XPNPEP1: variants seen among roughly 807,000 people sequenced by gnomAD.
XPNPEP1 encodes the protein X-prolyl aminopeptidase 1.
In XPNPEP1, 39 loss-of-function variants were observed where a neutral mutation model predicts 92.4. The ratio of observed to expected loss-of-function variants is 0.42; its 90% CI spans 0.33 to 0.55. The LOEUF is 0.55. XPNPEP1 is among the 20% of genes least tolerant of loss of function. XPNPEP1 has a pLI of 0.08. For synonymous variants in XPNPEP1, 307 were observed against 299.4 expected, an observed-to-expected ratio of 1.03 and a Z score of -0.26; for missense variants, 654 against 856.1, an observed-to-expected ratio of 0.76 and a Z score of 2.95.
At chr10:109,896,193 C>A (rs187063775) in intron 3 of XPNPEP1, among the ~76,000 whole-genome samples, 1 of 152,124 alleles carries the variant, frequency 6.6e-6, no homozygotes, top group African/African-American at 2.4e-5. Context: ...ACAGAGAGGC[C>A]TACCTGTACT....
chr10:109,877,920 G>C, intron 13 of XPNPEP1, 53 bp from the exon 14 acceptor site: 1 of 1,614,086 alleles, frequency 6.2e-7, no homozygotes, highest in Non-Finnish European at 8.5e-7. Context: ...ACTGTGCTAA[G>C]ATTCAGGGCC....
At chr10:109,878,524 C>T (rs1228515554) in intron 12 of XPNPEP1, among the ~76,000 whole-genome samples, 1 of 152,122 alleles carries the variant, frequency 6.6e-6, no homozygotes, top group African/African-American at 2.4e-5. Flanking sequence ...TCATTTGGAT[C>T]CTTTTTTAAG....
intron 6 of XPNPEP1, 99 bp downstream of exon 6, chr10:109,888,404 G>A: frequency 5.4e-6 from 7 of 1,297,486 alleles, no homozygotes; most frequent in Non-Finnish European, 7.4e-6. Context: ...GTCATGCTGA[G>A]CCCCCCAGTG....
At chr10:109,914,113 T>C (rs770262725) in intron 2 of XPNPEP1, among the ~76,000 whole-genome samples, 11 of 151,982 alleles carry the variant, frequency 7.2e-5, no homozygotes, top group Admixed American at 2.0e-4. Context: ...ATGGTTCTCC[T>C]TAGTAGTCGT....
At chr10:109,896,678 C>T (rs1849011021) in intron 3 of XPNPEP1, among the ~76,000 whole-genome samples, 1 of 152,046 alleles carries the variant, frequency 6.6e-6, no homozygotes, top group South Asian at 2.1e-4. Context: ...TGTCCTGTCC[C>T]TGCACTCAGC....
intron 20 of XPNPEP1, among the ~76,000 whole-genome samples, chr10:109,866,661 A>AC (rs1401795145): frequency 6.6e-6 from 1 of 152,192 alleles, no homozygotes; most frequent in Admixed American, 6.5e-5. Flanking sequence ...TTCATATCTG[A>AC]CCAAGGTCCT....
chr10:109,896,690 C>G (rs529189416), intron 3 of XPNPEP1, among the ~76,000 whole-genome samples: 1 of 152,034 alleles, frequency 6.6e-6, no homozygotes, highest in Non-Finnish European at 1.5e-5. Flanking sequence ...GCACTCAGCA[C>G]AGGTGACTAG....
chr10:109,915,563 G>A lies in XPNPEP1; in HGVS notation c.33-464C>T, dbSNP rs531687132. ...ACTAACCCTCATGTTTGCTAGGTCT[G>A]CTGCCTCTCCCTCTTGGTGGTTCAT... is the stretch of plus-strand genomic sequence containing the variant. On this transcript the variant is annotated intron_variant, in intron 1 of 20. Transcript: ENST00000502935. Among the ~76,000 whole-genome samples, 5 of 151,928 alleles carry A rather than the reference G, an allele frequency of 3.3e-5. No homozygotes were observed. In the South Asian group the frequency reaches 1.1e-3, roughly 32 times the overall value.
At chr10:109,908,963 T>A (rs1302400129) in intron 2 of XPNPEP1, among the ~76,000 whole-genome samples, 6 of 152,146 alleles carry the variant, frequency 3.9e-5, no homozygotes, top group Non-Finnish European at 8.8e-5. Context: ...TGCTCTGTGT[T>A]CTCCTCTTTA....
intron 1 of XPNPEP1, among the ~76,000 whole-genome samples, chr10:109,916,191 G>A (rs941646246): frequency 6.6e-6 from 1 of 152,188 alleles, no homozygotes; most frequent in African/African-American, 2.4e-5. Context: ...GGTAGCCAGG[G>A]ACAGCCTCTA....
chr10:109,865,432 A>G (rs1847084108), intron 20 of XPNPEP1, 120 bp from the exon 21 acceptor site: 1 of 1,314,124 alleles, frequency 7.6e-7, no homozygotes, highest in Non-Finnish European at 1.1e-6. Context: ...AAGGTGTGCA[A>G]CACCCTTTCT....
At chr10:109,919,611 A>G (rs1025289361) in intron 1 of XPNPEP1, among the ~76,000 whole-genome samples, 4 of 152,246 alleles carry the variant, frequency 2.6e-5, no homozygotes, top group African/African-American at 7.2e-5. Context: ...TATCCTTATA[A>G]AAAGTTGTAC....
intron 5 of XPNPEP1, among the ~76,000 whole-genome samples, chr10:109,889,725 T>C (rs973098744): frequency 2.0e-5 from 3 of 152,228 alleles, no homozygotes; most frequent in Non-Finnish European, 4.4e-5. Flanking sequence ...AAAATATACA[T>C]ATATTTAGAG....
chr10:109,922,073 G>A (rs937645166), intron 1 of XPNPEP1, among the ~76,000 whole-genome samples: 6 of 152,204 alleles, frequency 3.9e-5, no homozygotes, highest in Non-Finnish European at 8.8e-5. Flanking sequence ...CTAGAAGCCA[G>A]CTCAACCCCA....
chr10:109,890,550 TTGTGTG>T (rs768880431), intron 5 of XPNPEP1, among the ~76,000 whole-genome samples: 2 of 103,190 alleles, frequency 1.9e-5, no homozygotes, highest in African/African-American at 8.5e-5. Context: ...ATGCCTGCCT[TTGTGTG>T]TGTGTGTGTG....
At chr10:109,873,547 C>T (rs1847606982) in intron 15 of XPNPEP1, 120 bp from the exon 16 acceptor site, 15 of 1,175,902 alleles carry the variant, frequency 1.3e-5, no homozygotes, top group Non-Finnish European at 1.9e-5. Flanking sequence ...TGTAAAATAG[C>T]ACAGCCATCT....
chr10:109,868,784 C>T, intron 19 of XPNPEP1, 72 bp from the exon 20 acceptor site: 1 of 1,402,090 alleles, frequency 7.1e-7, no homozygotes, highest in Non-Finnish European at 1.0e-6. Context: ...GGTCATTCCA[C>T]CAGCATGCCA....
intron 8 of XPNPEP1, among the ~76,000 whole-genome samples, chr10:109,884,961 T>C (rs1848313764): frequency 6.6e-6 from 1 of 152,228 alleles, no homozygotes; most frequent in South Asian, 2.1e-4. Flanking sequence ...TTTTTACCTA[T>C]CATACTAGCA....
rs145997591 is a variant in XPNPEP1 at position 109,865,465 on chromosome 10, T to A, written c.1873-153A>T. Among the ~76,000 whole-genome samples the A allele has an allele frequency of 7.9e-5, 12 of 152,336 alleles. 1 individual carries two copies. Among genetic ancestry groups the A allele is most frequent in the Middle Eastern group, 3.4e-3 (1 of 294 alleles). ...TCTCCTTACTCACAGGTAAGTATTTTCCTTGTGTTCTGTTTCCCCGGAAAT... is the reference window on the plus strand; with the variant it reads ...TCTCCTTACTCACAGGTAAGTATTTACCTTGTGTTCTGTTTCCCCGGAAAT... On this transcript the variant is annotated intron_variant, in intron 20 of 20. Transcript: ENST00000502935.
Sources: allele counts gnomAD v4.1 joint callset (sites outside exome capture counted in the v4.1 genomes callset), GRCh38; gene constraint gnomAD v4.1.1; transcripts MANE v1.5; gene names NCBI Gene and HGNC (gene_info 2026-07-23, HGNC 2026-07-21).